The following MAN1A2 variants were observed in gnomAD, a reference collection of about 807,000 sequenced individuals.
The protein encoded by MAN1A2 is mannosidase alpha class 1A member 2.
In MAN1A2, 26 loss-of-function variants were observed where a neutral mutation model predicts 75.7. The observed-to-expected ratio is 0.34, with a 90% CI of 0.25 to 0.48. The LOEUF is 0.48. Among genes scored for constraint, MAN1A2 ranks in the 20% least tolerant of loss-of-function variants. MAN1A2 has a pLI of 0.99. For missense variants in MAN1A2, 562 were observed against 775.5 expected, an observed-to-expected ratio of 0.72 and a Z score of 3.27; for synonymous variants, 247 against 264.6, an observed-to-expected ratio of 0.93 and a Z score of 0.65.
At chr1:117,503,011 G>A (rs376273376) in intron 12 of MAN1A2, 41 bp downstream of exon 12, 51 of 1,036,850 alleles carry the variant, frequency 4.9e-5, no homozygotes, top group Non-Finnish European at 6.8e-5. Context: ...TACTAGACTG[G>A]TTTTGCTGTG....
intron 7 of MAN1A2, 142 bp from the exon 8 acceptor site, chr1:117,466,192 T>A (rs1298434240): frequency 1.9e-6 from 1 of 527,078 alleles, no homozygotes; most frequent in Non-Finnish European, 3.4e-6. Flanking sequence ...CTTCCCTGAC[T>A]TCCCCCTGCC....
intron 9 of MAN1A2, chr1:117,494,522 C>T (rs1181839226): frequency 6.6e-6 from 1 of 151,908 alleles, no homozygotes; most frequent in African/African-American, 2.4e-5. Context: ...TTTTATATCC[C>T]TACTGTTCAG....
chr1:117,464,013 G>A (rs1016212623), intron 7 of MAN1A2, among the ~76,000 whole-genome samples: 3 of 152,214 alleles, frequency 2.0e-5, no homozygotes, highest in South Asian at 2.1e-4. Context: ...ATAATTTAAC[G>A]TATGGGCCTT....
At chr1:117,457,709 CTAGT>C in intron 6 of MAN1A2, among the ~76,000 whole-genome samples, 1 of 152,168 alleles carries the variant, frequency 6.6e-6, no homozygotes, top group Non-Finnish European at 1.5e-5. Context: ...ATGCTGAAAC[CTAGT>C]TAATCTTTCT....
chr1:117,429,864 C>T (rs1648546897), intron 5 of MAN1A2, among the ~76,000 whole-genome samples: 1 of 77,818 alleles, frequency 1.3e-5, no homozygotes, highest in Non-Finnish European at 2.9e-5. Flanking sequence ...GGGCCGACCC[C>T]CCCACCTCCC....
At chr1:117,430,266 C>T (rs1359921447) in intron 5 of MAN1A2, among the ~76,000 whole-genome samples, 2 of 134,016 alleles carry the variant, frequency 1.5e-5, no homozygotes, top group East Asian at 2.2e-4. Flanking sequence ...GGCTGAACCC[C>T]CCACCTCCCT....
At chr1:117,431,672 G>A (rs1570739816) in intron 5 of MAN1A2, among the ~76,000 whole-genome samples, 1 of 152,188 alleles carries the variant, frequency 6.6e-6, no homozygotes, top group African/African-American at 2.4e-5. Flanking sequence ...AGTATGGCTA[G>A]GTGCAATGGC....
intron 5 of MAN1A2, among the ~76,000 whole-genome samples, chr1:117,430,991 C>G (rs1570738810): frequency 7.4e-6 from 1 of 135,960 alleles, no homozygotes; most frequent in Non-Finnish European, 1.6e-5. Flanking sequence ...GCGGATCACT[C>G]GCGGTTAGGG....
intron 8 of MAN1A2, among the ~76,000 whole-genome samples, chr1:117,476,943 A>G (rs757359127): frequency 1.3e-5 from 2 of 151,948 alleles, no homozygotes; most frequent in Non-Finnish European, 2.9e-5. Context: ...GTAAATTACT[A>G]TGGGCAGTAT....
chr1:117,410,206 A>G (rs771759418), intron 3 of MAN1A2, among the ~76,000 whole-genome samples: 6 of 151,954 alleles, frequency 3.9e-5, no homozygotes, highest in Non-Finnish European at 7.4e-5. Flanking sequence ...ACTGGTGAAT[A>G]CTGAAGGCTG....
chr1:117,490,911 A>G (rs1650859948), intron 8 of MAN1A2, among the ~76,000 whole-genome samples: 1 of 152,024 alleles, frequency 6.6e-6, no homozygotes, highest in African/African-American at 2.4e-5. Context: ...AAGCCAAAGC[A>G]TCATCCAGAG....
At chr1:117,385,255 T>C (rs1375293918) in intron 1 of MAN1A2, among the ~76,000 whole-genome samples, 3 of 152,150 alleles carry the variant, frequency 2.0e-5, no homozygotes, top group Non-Finnish European at 4.4e-5. Context: ...ATCTTTCCAG[T>C]AGTAACAGAG....
chr1:117,490,274 C>A (rs1310331819), intron 8 of MAN1A2, among the ~76,000 whole-genome samples: 1 of 151,946 alleles, frequency 6.6e-6, no homozygotes, highest in Non-Finnish European at 1.5e-5. Context: ...ATTTTTTTGA[C>A]AGCATGTGTT....
chr1:117,479,327 T>G (rs1650419567), intron 8 of MAN1A2, among the ~76,000 whole-genome samples: 1 of 152,014 alleles, frequency 6.6e-6, no homozygotes, highest in South Asian at 2.1e-4. Context: ...GTACCACATT[T>G]TCTTTATGCA....
At chr1:117,516,297 T>G (rs575826553) in intron 12 of MAN1A2, among the ~76,000 whole-genome samples, 20 of 152,226 alleles carry the variant, frequency 1.3e-4, no homozygotes, top group African/African-American at 4.3e-4. Context: ...TGCAGTTGGA[T>G]TGAAGAAAAT....
chr1:117,428,804 TTTTA>T (rs1226778629), intron 5 of MAN1A2, among the ~76,000 whole-genome samples: 90 of 138,692 alleles, frequency 6.5e-4, no homozygotes, highest in Admixed American at 3.0e-3. Flanking sequence ...TTTTTTTTTT[TTTTA>T]AATTTATTTT....
intron 1 of MAN1A2, among the ~76,000 whole-genome samples, chr1:117,377,798 A>G (rs1346771302): frequency 2.6e-5 from 4 of 152,182 alleles, no homozygotes; most frequent in Non-Finnish European, 5.9e-5. Flanking sequence ...TGGTAGGTTA[A>G]GTTTAATGTA....
chr1:117,381,859 C>G (rs1048445313), intron 1 of MAN1A2, among the ~76,000 whole-genome samples: 1 of 151,886 alleles, frequency 6.6e-6, no homozygotes, highest in African/African-American at 2.4e-5. Flanking sequence ...TGTTTCCTGA[C>G]TTTTTAATGA....
chr1:117,519,099 A>C (rs1651798944), intron 12 of MAN1A2, among the ~76,000 whole-genome samples: 1 of 152,098 alleles, frequency 6.6e-6, no homozygotes, highest in African/African-American at 2.4e-5. Context: ...TGAGTCAAAA[A>C]CGAAATCAAG....
Sources: gnomAD v4.1 joint callset for allele counts (sites outside exome capture counted in the v4.1 genomes callset) on GRCh38, gnomAD v4.1.1 for gene constraint, MANE v1.5 for transcripts, NCBI Gene and HGNC (gene_info 2026-07-23, HGNC 2026-07-21) for gene names.